Variants in STPG2 observed in about 807,000 individuals in gnomAD.
STPG2 encodes the protein sperm-tail PG-rich repeat-containing protein 2.
Under a neutral mutation model 54.2 loss-of-function variants are expected in STPG2, and 56 were observed. That is an observed-to-expected ratio of 1.03 (90% confidence interval 0.83 to 1.29). STPG2 has a LOEUF of 1.29. Ranked by LOEUF, STPG2 falls within the 50% of genes most tolerant of loss-of-function variation. The pLI, the probability that STPG2 is intolerant of heterozygous loss-of-function variation, is 0.00. For synonymous variants in STPG2, 200 were observed against 181.8 expected (o/e 1.10, Z -0.81); for missense variants, 596 against 544.9 (o/e 1.09, Z -0.93).
At chr4:97,853,222 T>A (rs1228399478) in intron 8 of STPG2, among the ~76,000 whole-genome samples, 1 of 152,028 alleles carries the variant, frequency 6.6e-6, no homozygotes, top group Non-Finnish European at 1.5e-5. Context: ...CACCTTGGCC[T>A]CCCAAAGTGC....
chr4:97,540,016 A>T (rs1482214294), intron 4 of STPG2, among the ~76,000 whole-genome samples: 1 of 152,244 alleles, frequency 6.6e-6, no homozygotes. Flanking sequence ...TGCCCACAAG[A>T]GAAAGTGGCA....
chr4:97,521,105 T>C (rs1055883108), intron 4 of STPG2, among the ~76,000 whole-genome samples: 2 of 152,066 alleles, frequency 1.3e-5, no homozygotes, highest in African/African-American at 2.4e-5. Context: ...GTTACTATTG[T>C]ACATTATTAA....
intron 4 of STPG2, among the ~76,000 whole-genome samples, chr4:97,528,684 G>T (rs957596422): frequency 1.3e-5 from 2 of 152,076 alleles, no homozygotes; most frequent in South Asian, 4.1e-4. Context: ...TTGAGCAGTG[G>T]TTTGTAGTTC....
intron 7 of STPG2, among the ~76,000 whole-genome samples, chr4:97,964,165 T>C (rs952213778): frequency 1.3e-5 from 2 of 152,172 alleles, no homozygotes; most frequent in Admixed American, 6.5e-5. Flanking sequence ...TTATTCCTCA[T>C]GGCATAACAA....
At chr4:97,803,265 A>C (rs1727451673) in intron 9 of STPG2, among the ~76,000 whole-genome samples, 1 of 152,186 alleles carries the variant, frequency 6.6e-6, no homozygotes, top group Admixed American at 6.5e-5. Context: ...TCTCTTTAAA[A>C]TATGTTCACC....
At chr4:97,736,078 T>A (rs1724978321) in intron 9 of STPG2, among the ~76,000 whole-genome samples, 1 of 152,222 alleles carries the variant, frequency 6.6e-6, no homozygotes, top group African/African-American at 2.4e-5. Flanking sequence ...AGAACCCTTA[T>A]ACACTGTTGG....
At chr4:97,980,728 T>C (rs1734646969) in intron 6 of STPG2, among the ~76,000 whole-genome samples, 1 of 152,186 alleles carries the variant, frequency 6.6e-6, no homozygotes, top group African/African-American at 2.4e-5. Flanking sequence ...TTTATTTTGG[T>C]TCTATATTCT....
chr4:97,470,057 C>T (rs954624462), intron 4 of STPG2, among the ~76,000 whole-genome samples: 2 of 152,054 alleles, frequency 1.3e-5, no homozygotes, highest in Non-Finnish European at 2.9e-5. Context: ...GAAACCACTG[C>T]ATATGATGAG....
rs536636819 is a variant in STPG2, at chr4:97,954,685, C to T, written c.934-10678G>A. Reference sequence around the variant, plus strand: ...AGTAATGGCAAAAATGTAATCAGCACAGTTCATAATTGGGTTAATGTAATT... The same window carrying T: ...AGTAATGGCAAAAATGTAATCAGCATAGTTCATAATTGGGTTAATGTAATT... On this transcript the variant is annotated intron_variant, in intron 7 of 10. Coordinates refer to ENST00000295268, the MANE Select transcript of STPG2 (RefSeq NM_174952.3). 7.2e-5 allele frequency among the ~76,000 whole-genome samples: 11 copies of T among 152,256 alleles called. No individual in the cohort carries two copies. The South Asian group carries it at 2.3e-3, about 32-fold the overall frequency.
chr4:97,480,313 C>G (rs77808694), intron 4 of STPG2, among the ~76,000 whole-genome samples: 1 of 151,360 alleles, frequency 6.6e-6, no homozygotes, highest in Non-Finnish European at 1.5e-5. Context: ...TTCCGGTTTA[C>G]CCATTTAAAA....
At chr4:98,069,138 GATC>G (rs1268675755) in intron 5 of STPG2, among the ~76,000 whole-genome samples, 7 of 151,872 alleles carry the variant, frequency 4.6e-5, no homozygotes, top group African/African-American at 1.7e-4. Flanking sequence ...TAGTATAATG[GATC>G]ATCTATATAA....
Position 98,143,033 on chromosome 4 carries a change from A to G in STPG2, c.109+9T>C. ...TGTCACAGGAGCTCTGCCTCTTCCT[A>G]CATCTTACCTGTCGCCTGCTGCTTC... On this transcript the variant is annotated intron_variant, in intron 1 of 10. Transcript: ENST00000295268. 6.2e-7 allele frequency: 1 copy of G among 1,606,280 alleles called. No individual in the cohort carries two copies. Among genetic ancestry groups the G allele is most frequent in the Non-Finnish European group, 8.5e-7 (1 of 1,175,316 alleles).
rs573674184 is a variant in STPG2 at position 97,657,122 on chromosome 4, T to C, written c.1320+55577A>G. On this transcript the variant is annotated intron_variant, in intron 10 of 10. Transcript: ENST00000295268. ...ACGATAAGAAGAAAAATAAATTTAA[T>C]GGAATAAATTTAATGCAATAATGGA... is the stretch of plus-strand genomic sequence containing the variant. Among the ~76,000 whole-genome samples the C allele has an allele frequency of 3.0e-4, 46 of 152,022 alleles. No homozygotes were observed. In the South Asian group the frequency reaches 7.7e-3, roughly 25 times the overall value.
intron 8 of STPG2, 67 bp downstream of exon 8, chr4:97,943,830 T>A: frequency 8.1e-7 from 1 of 1,236,780 alleles, no homozygotes; most frequent in East Asian, 2.6e-5. Context: ...AATATAATGT[T>A]TATGTTATGC....
At chr4:97,444,612 G>T (rs1274190574) in intron 4 of STPG2, among the ~76,000 whole-genome samples, 2 of 152,110 alleles carry the variant, frequency 1.3e-5, no homozygotes, top group African/African-American at 4.8e-5. Context: ...GCAAACCTGT[G>T]CAAACATACA....
At chr4:97,764,724 TTC>T (rs1445251794) in intron 9 of STPG2, among the ~76,000 whole-genome samples, 7 of 152,072 alleles carry the variant, frequency 4.6e-5, no homozygotes, top group African/African-American at 1.2e-4. Flanking sequence ...TAAGAAATAT[TTC>T]TGTTTTTTTC....
At chr4:97,943,815 G>A (rs1733093394) in intron 8 of STPG2, 82 bp downstream of exon 8, 9 of 1,030,472 alleles carry the variant, frequency 8.7e-6, no homozygotes, top group Non-Finnish European at 1.1e-5. Context: ...CCTCACTCAG[G>A]TCCTAATATA....
At chr4:97,967,804 A>G (rs1084781) in intron 7 of STPG2, among the ~76,000 whole-genome samples, 66,065 of 151,968 alleles carry the variant, frequency 0.43, 14,743 homozygotes, top group Admixed American at 0.54. Context: ...ATGTTCTTTG[A>G]AACCAATGAT....
chr4:97,969,423 C>T (rs1438548606), intron 7 of STPG2, among the ~76,000 whole-genome samples: 2 of 152,128 alleles, frequency 1.3e-5, no homozygotes, highest in Non-Finnish European at 2.9e-5. Context: ...CTACCCCTGC[C>T]CTCACTAAAC....
Sources: allele counts gnomAD v4.1 joint callset (sites outside exome capture counted in the v4.1 genomes callset), GRCh38; gene constraint gnomAD v4.1.1; transcripts MANE v1.5; gene names NCBI Gene and HGNC (gene_info 2026-07-23, HGNC 2026-07-21).